Variants in ARHGEF10L observed in about 807,000 individuals in gnomAD.
ARHGEF10L encodes the protein Rho guanine nucleotide exchange factor 10 like, also known as rho guanine nucleotide exchange factor 10-like protein.
Under a neutral mutation model 141.2 loss-of-function variants are expected in ARHGEF10L, and 69 were observed. The ratio of observed to expected loss-of-function variants is 0.49; its 90% CI spans 0.40 to 0.60. The LOEUF is 0.60. Among genes scored for constraint, ARHGEF10L ranks in the 20% least tolerant of loss-of-function variants. ARHGEF10L has a pLI of 0.00. For synonymous variants in ARHGEF10L, 711 were observed against 718.5 expected, an observed-to-expected ratio of 0.99 and a Z score of 0.17; for missense variants, 1,482 against 1,734.3, an observed-to-expected ratio of 0.85 and a Z score of 2.58.
rs749599420 is a variant in ARHGEF10L at position 17,623,847 on chromosome 1, G to T, written c.1201-540G>T. Reference sequence around the variant, plus strand: ...AAAACTTTTTTTTGAAAGCCACAGCGCTCGATAGAGTCACTGAATAGGTCT... The same window carrying T: ...AAAACTTTTTTTTGAAAGCCACAGCTCTCGATAGAGTCACTGAATAGGTCT... On this transcript the variant is annotated intron_variant, in intron 12 of 28. Transcript: ENST00000361221. The surrounding 1 kb of genome is among the most constrained non-coding windows in gnomAD (Gnocchi z 4.7). Among the ~76,000 whole-genome samples the T allele has an allele frequency of 2.0e-5, 3 of 152,192 alleles. No homozygotes were observed.
Position 17,697,635 on chromosome 1 carries a change from C to T in ARHGEF10L, c.*255C>T. 1 of 638,576 alleles carries T rather than the reference C, an allele frequency of 1.6e-6. No homozygotes were observed. Among genetic ancestry groups the T allele is most frequent in the Non-Finnish European group, 2.9e-6 (1 of 346,630 alleles). 39.6% of individuals were successfully genotyped at this position (638,576 alleles called of 1,614,324 possible). On this transcript the variant is annotated 3_prime_UTR_variant, in exon 29 of 29. Transcript: ENST00000361221. The surrounding 1 kb of genome is among the most constrained non-coding windows in gnomAD (Gnocchi z 4.8). ...CTTTTTAAAAGCAAAAAACACAAAA[C>T]CTCACAACTGCCTGGCAAGCCCAGT...
intron 1 of ARHGEF10L, among the ~76,000 whole-genome samples, chr1:17,576,998 A>G (rs762524914): frequency 3.9e-5 from 6 of 152,202 alleles, no homozygotes; most frequent in Non-Finnish European, 7.3e-5. Context: ...CTGACATGCC[A>G]TGCTTTTGTA....
Position 17,625,852 on chromosome 1 carries a change from A to C in ARHGEF10L, c.1318-104A>C. On this transcript the variant is annotated intron_variant, in intron 13 of 28. Coordinates refer to ENST00000361221, the MANE Select transcript of ARHGEF10L (RefSeq NM_018125.4). This position sits in a 1 kb window ranked among gnomAD's most constrained non-coding sequence, Gnocchi z 4.5. ...CAAGCCCAGGGATAGGCAGGGTCTTAGGGCCTGGGGAGAGGAGCCCAGAAT... is the reference window on the plus strand; with the variant it reads ...CAAGCCCAGGGATAGGCAGGGTCTTCGGGCCTGGGGAGAGGAGCCCAGAAT... 1.0e-6 allele frequency: 1 copy of C among 963,362 alleles called. No individual in the cohort carries two copies. The highest frequency in any genetic ancestry group is 1.6e-6 in the Non-Finnish European group (1 of 618,688). The allele number at this position is 963,362 out of a possible 1,614,324, so 59.7% of individuals were successfully genotyped here.
At chr1:17,641,887 A>G (rs373887568) in intron 21 of ARHGEF10L, among the ~76,000 whole-genome samples, 3 of 151,956 alleles carry the variant, frequency 2.0e-5, no homozygotes, top group African/African-American at 4.8e-5. Context: ...AGGTTGAGGC[A>G]GGAGAATCAC....
At chr1:17,614,108 C>T (rs918442620) in intron 8 of ARHGEF10L, among the ~76,000 whole-genome samples, 17 of 152,226 alleles carry the variant, frequency 1.1e-4, no homozygotes, top group South Asian at 4.1e-4. Context: ...CAGTGGTTCA[C>T]GACAGAGCTG....
chr1:17,693,138 G>A (rs1366540769), intron 27 of ARHGEF10L, among the ~76,000 whole-genome samples: 1 of 152,156 alleles, frequency 6.6e-6, no homozygotes, highest in Non-Finnish European at 1.5e-5. Context: ...TAATACAGTA[G>A]CCATTATTAC....
rs1421940145 is a variant in ARHGEF10L at position 17,623,581 on chromosome 1, A to G, written c.1200+406A>G. Among the ~76,000 whole-genome samples, 1 of 152,184 alleles carries G rather than the reference A, an allele frequency of 6.6e-6. No individual in the cohort carries two copies. Among genetic ancestry groups the G allele is most frequent in the Non-Finnish European group, 1.5e-5 (1 of 68,034 alleles). ...AGAGGATGTGCCGCAGTGCTGGGGA[A>G]AGGGCACTGGCTCACGATCCGGGGG... On this transcript the variant is annotated intron_variant, in intron 12 of 28. Coordinates refer to ENST00000361221, the MANE Select transcript of ARHGEF10L (RefSeq NM_018125.4). The surrounding 1 kb of genome is among the most constrained non-coding windows in gnomAD (Gnocchi z 4.7).
At chr1:17,584,534 A>G (rs1267596689) in intron 2 of ARHGEF10L, among the ~76,000 whole-genome samples, 1 of 152,236 alleles carries the variant, frequency 6.6e-6, no homozygotes, top group African/African-American at 2.4e-5. Flanking sequence ...CACAAATAGC[A>G]TATGGCATCA....
In ARHGEF10L at chr1:17,627,218, G is replaced by T. The variant is rs983154822; in HGVS notation, c.1411-112G>T. On this transcript the variant is annotated intron_variant, in intron 14 of 28. Coordinates refer to ENST00000361221, the MANE Select transcript of ARHGEF10L (RefSeq NM_018125.4). The surrounding 1 kb of genome is among the most constrained non-coding windows in gnomAD (Gnocchi z 4.0). ...TGCCATCTGTCCTGGCCTCAGGCCG[G>T]GCCCTTTGCAGACCCAGTGTGTGTA... 15 of 1,328,606 alleles carry T rather than the reference G, an allele frequency of 1.1e-5. No individual in the cohort carries two copies. The Admixed American group carries it at 2.6e-4, about 23-fold the overall frequency. The allele number at this position is 1,328,606 out of a possible 1,614,324, so 82.3% of individuals were successfully genotyped here.
intron 11 of ARHGEF10L, 70 bp downstream of exon 11, chr1:17,622,011 C>A (rs114377192): frequency 6.5e-7 from 1 of 1,544,430 alleles, no homozygotes. Context: ...TAACTTTATA[C>A]GGAGTGTTTG....
Position 17,687,698 on chromosome 1 carries a change from G to A in ARHGEF10L, c.3135G>A (p.Glu1045=), listed in dbSNP as rs1569737531. 1.9e-6 allele frequency: 3 copies of A among 1,604,910 alleles called. No homozygotes were observed. Among genetic ancestry groups the A allele is most frequent in the South Asian group, 1.1e-5 (1 of 90,178 alleles). Residue 1045 remains glutamate, a synonymous_variant, in exon 27 of 29, where the codon GAG becomes GAA. Coordinates refer to ENST00000361221, the MANE Select transcript of ARHGEF10L (RefSeq NM_018125.4). ...SIRLFHTETL[E]HLQEINIATR... ...GCCTCTTCCACACTGAGACCCTGGA[G>A]CATCTGCAAGAGATCAACATCGCCA...
chr1:17,561,644 G>C (rs1174725429), intron 1 of ARHGEF10L, among the ~76,000 whole-genome samples: 1 of 152,264 alleles, frequency 6.6e-6, no homozygotes, highest in South Asian at 2.1e-4. Context: ...CCTTGGCGTA[G>C]GTCCCTGGGG....
the ARHGEF10L span, among the ~76,000 whole-genome samples, chr1:17,520,260 C>T: frequency 5.9e-5 from 9 of 152,192 alleles, no homozygotes; most frequent in South Asian, 2.1e-4. Flanking sequence ...CGCCCTTGCC[C>T]GCCCAGCAGG....
At chr1:17,666,558 G>A (rs1019126213) in intron 26 of ARHGEF10L, among the ~76,000 whole-genome samples, 1 of 152,120 alleles carries the variant, frequency 6.6e-6, no homozygotes, top group African/African-American at 2.4e-5. Flanking sequence ...AACCTCACTG[G>A]TGCTACTGGG....
At position 17,625,823 on chromosome 1, in the gene ARHGEF10L, C is replaced by T; in HGVS notation, c.1318-133C>T. ...GAACCACGGACCTCTCTCAGCTCTT[C>T]TTGCAAGCCCAGGGATAGGCAGGGT... is the stretch of plus-strand genomic sequence containing the variant. On this transcript the variant is annotated intron_variant, in intron 13 of 28. Coordinates refer to ENST00000361221, the MANE Select transcript of ARHGEF10L (RefSeq NM_018125.4). The surrounding 1 kb of genome is among the most constrained non-coding windows in gnomAD (Gnocchi z 4.5). 1 of 750,530 alleles carries T rather than the reference C, an allele frequency of 1.3e-6. No individual in the cohort carries two copies. Among genetic ancestry groups the T allele is most frequent in the East Asian group, 2.6e-5 (1 of 38,836 alleles). 46.5% of individuals were successfully genotyped at this position (750,530 alleles called of 1,614,324 possible). A position where few individuals can be genotyped will look rare whatever the true frequency, so the allele number is the denominator to read the frequency against.
At chr1:17,516,403 C>T in the ARHGEF10L span, among the ~76,000 whole-genome samples, 1 of 152,246 alleles carries the variant, frequency 6.6e-6, no homozygotes, top group African/African-American at 2.4e-5. Flanking sequence ...TCCCTCCCCT[C>T]TACAGGGCCA....
At chr1:17,570,986 A>T (rs939740283) in intron 1 of ARHGEF10L, among the ~76,000 whole-genome samples, 1 of 152,048 alleles carries the variant, frequency 6.6e-6, no homozygotes, top group Non-Finnish European at 1.5e-5. Flanking sequence ...GGAGGTGGGT[A>T]TGGGCACGTT....
intron 1 of ARHGEF10L, among the ~76,000 whole-genome samples, chr1:17,553,915 G>A (rs779926225): frequency 2.0e-5 from 3 of 152,208 alleles, no homozygotes; most frequent in Non-Finnish European, 2.9e-5. Context: ...ACAGGGAGGC[G>A]AGTATGATTA....
At chr1:17,664,776 C>T (rs2062863543) in intron 26 of ARHGEF10L, among the ~76,000 whole-genome samples, 181 bp downstream of exon 26, 1 of 152,226 alleles carries the variant, frequency 6.6e-6, no homozygotes, top group African/African-American at 2.4e-5. Context: ...CTTCCTCTGC[C>T]ACACATCGCC....
Sources: gnomAD v4.1 joint callset for allele counts (sites outside exome capture counted in the v4.1 genomes callset) on GRCh38, gnomAD v4.1.1 for gene constraint, Gnocchi (gnomAD v3.1) non-coding constraint, MANE v1.5 for transcripts, NCBI Gene and HGNC (gene_info 2026-07-23, HGNC 2026-07-21) for gene names.